FBXO9: variants seen among roughly 807,000 people sequenced by gnomAD.
The protein encoded by FBXO9 is F-box protein 9, also known as F-box only protein 9.
FBXO9 carries 43 observed loss-of-function variants against 63.7 expected under a neutral mutation model. The ratio of observed to expected loss-of-function variants is 0.67; its 90% confidence interval spans 0.53 to 0.87. The LOEUF (loss-of-function observed/expected upper bound fraction) is 0.87, where lower values mean the gene tolerates loss of function less well. Among genes scored for constraint, FBXO9 ranks in the 40% least tolerant of loss-of-function variants. The pLI, the probability that FBXO9 is intolerant of heterozygous loss-of-function variation, is 0.00. For missense variants in FBXO9, 442 were observed against 533.2 expected (o/e 0.83, Z 1.68); for synonymous variants, 156 against 171.7 (o/e 0.91, Z 0.72).
chr6:53,065,683 C>A lies in FBXO9; in HGVS notation c.-107C>A. 1 of 1,319,046 alleles carries A rather than the reference C, an allele frequency of 7.6e-7. No individual in the cohort carries two copies. Among genetic ancestry groups the A allele is most frequent in the African/African-American group, 1.5e-5 (1 of 65,602 alleles). 81.7% of individuals were successfully genotyped at this position (1,319,046 alleles called of 1,614,324 possible). The stretch of plus-strand genomic sequence containing the variant: ...CCGAGAACTCTGCTAAGCTCCGCTG[C>A]AGAGACAGGCAGGAGTAGACACCCG... On this transcript the variant is annotated 5_prime_UTR_variant, in exon 1 of 13. Coordinates refer to ENST00000323557, the MANE Select transcript of FBXO9 (RefSeq NM_033480.3).
Position 53,066,083 on chromosome 6 carries a change from A to T in FBXO9, c.3+291A>T, listed in dbSNP as rs186771794. On this transcript the variant is annotated intron_variant, in intron 1 of 12. Coordinates refer to ENST00000323557, the MANE Select transcript of FBXO9 (RefSeq NM_033480.3). ...CGGGGAAAATGTCCCTTCTCGGCTC[A>T]CTGAGTATATTGAACCAGTCTCGGT... The T allele has an allele frequency of 3.9e-4, 476 of 1,205,692 alleles. 5 individuals are homozygous for T. In the East Asian group the frequency reaches 0.015, roughly 38 times the overall value. 74.7% of individuals were successfully genotyped at this position (1,205,692 alleles called of 1,614,324 possible). A position where few individuals can be genotyped will look rare whatever the true frequency, so the allele number is the denominator to read the frequency against.
upstream of FBXO9, chr6:53,065,295 C>G (rs1377526958): frequency 1.3e-5 from 2 of 154,346 alleles, no homozygotes; most frequent in Admixed American, 1.3e-4. Context: ...AGCCTCACCC[C>G]CCGCGTCAGG....
At chr6:53,095,376 ATTC>A in intron 11 of FBXO9, 134 bp from the exon 12 acceptor site, 1 of 707,876 alleles carries the variant, frequency 1.4e-6, no homozygotes, top group African/African-American at 1.8e-5. Context: ...GCACTCATAC[ATTC>A]TTGTGATAGT....
rs1763296997 is a variant in FBXO9 at position 53,099,449 on chromosome 6, GAAGA to G, written c.*1620_*1623del. The G allele has an allele frequency of 6.6e-6, 1 of 151,840 alleles. No individual in the cohort carries two copies. Among genetic ancestry groups the G allele is most frequent in the African/African-American group, 2.4e-5 (1 of 41,304 alleles). 9.4% of individuals were successfully genotyped at this position (151,840 alleles called of 1,614,324 possible). A position where few individuals can be genotyped will look rare whatever the true frequency, so the allele number is the denominator to read the frequency against. Reference sequence around the variant, plus strand: ...TAAAGGTGAAATGTGCATACAGAAGGAAGAGAGTTGGCCAGGTGTGGTGACTCAC... The same window carrying G: ...TAAAGGTGAAATGTGCATACAGAAGGGAGTTGGCCAGGTGTGGTGACTCAC... On this transcript the variant is annotated 3_prime_UTR_variant, in exon 13 of 13. Coordinates refer to ENST00000323557, the MANE Select transcript of FBXO9 (RefSeq NM_033480.3).
chr6:53,066,101 G>A (rs1367021669), intron 1 of FBXO9: 3 of 1,182,262 alleles, frequency 2.5e-6, no homozygotes, highest in African/African-American at 1.6e-5. Context: ...TATTGAACCA[G>A]TCTCGGTCCT....
At chr6:53,094,702 G>A (rs1239591078) in intron 11 of FBXO9, 2 of 419,782 alleles carry the variant, frequency 4.8e-6, no homozygotes, top group Non-Finnish European at 9.6e-6. Context: ...ACAGGGCAGA[G>A]TTTCATCTGC....
At position 53,100,070 on chromosome 6, in the gene FBXO9, A is replaced by G. The variant is rs1442937962; in HGVS notation, c.*2240A>G. 3.9e-5 allele frequency: 6 copies of G among 152,252 alleles called. No homozygotes were observed. The highest frequency in any genetic ancestry group is 3.9e-4 in the Admixed American group (6 of 15,290). The allele number at this position is 152,252 out of a possible 1,614,324, so 9.4% of individuals were successfully genotyped here. A position where few individuals can be genotyped will look rare whatever the true frequency, so the allele number is the denominator to read the frequency against. On this transcript the variant is annotated 3_prime_UTR_variant, in exon 13 of 13. Coordinates refer to ENST00000323557, the MANE Select transcript of FBXO9 (RefSeq NM_033480.3). ...AAAGTGACTTTCACTTATTTAACTT[A>G]GAACTGGAAAAAGTAACTTTTTTCC... is the stretch of plus-strand genomic sequence containing the variant.
chr6:53,081,109 T>A lies in FBXO9; in HGVS notation c.538+11T>A, dbSNP rs768308576. On this transcript the variant is annotated intron_variant, in intron 6 of 12. Coordinates refer to ENST00000323557, the MANE Select transcript of FBXO9 (RefSeq NM_033480.3). Reference sequence around the variant, plus strand: ...AGATTCACATATCAGGTGTGAATACTTGTTTTTCATAACTCAGTGAGAAAT... The same window carrying A: ...AGATTCACATATCAGGTGTGAATACATGTTTTTCATAACTCAGTGAGAAAT... 3 of 1,599,026 alleles carry A rather than the reference T, an allele frequency of 1.9e-6. No homozygotes were observed. Among genetic ancestry groups the A allele is most frequent in the Admixed American group, 3.5e-5 (2 of 57,408 alleles).
Position 53,100,780 on chromosome 6 carries a change from T to A in FBXO9, c.*2950T>A, listed in dbSNP as rs2127502913. The A allele has an allele frequency of 6.6e-6, 1 of 152,324 alleles. No individual in the cohort carries two copies. Among genetic ancestry groups the A allele is most frequent in the East Asian group, 1.9e-4 (1 of 5,186 alleles). The allele number at this position is 152,324 out of a possible 1,614,324, so 9.4% of individuals were successfully genotyped here. A position where few individuals can be genotyped will look rare whatever the true frequency, so the allele number is the denominator to read the frequency against. On this transcript the variant is annotated 3_prime_UTR_variant, in exon 13 of 13. Transcript: ENST00000323557. The stretch of plus-strand genomic sequence containing the variant: ...ATTTTGTTAAATATTTTTAATGACT[T>A]TAGAGTCCAACTTTATACTCCTCTT...
intron 12 of FBXO9, among the ~76,000 whole-genome samples, 170 bp from the exon 13 acceptor site, chr6:53,097,552 A>G (rs1763244824): frequency 1.3e-5 from 2 of 152,124 alleles, no homozygotes; most frequent in South Asian, 2.1e-4. Flanking sequence ...TTCTGTATAC[A>G]TTTCTAAATT....
intron 7 of FBXO9, among the ~76,000 whole-genome samples, chr6:53,087,290 C>T (rs1255372584): frequency 2.1e-5 from 3 of 146,304 alleles, no homozygotes; most frequent in Non-Finnish European, 3.0e-5. Context: ...CATAATAAAC[C>T]GTGATCATGC....
In FBXO9 at chr6:53,098,272, A is replaced by G; in HGVS notation, c.*442A>G. 4.2e-6 allele frequency: 1 copy of G among 239,274 alleles called. No individual in the cohort carries two copies. Among genetic ancestry groups the G allele is most frequent in the Middle Eastern group, 4.3e-4 (1 of 2,340 alleles). 14.8% of individuals were successfully genotyped at this position (239,274 alleles called of 1,614,324 possible). On this transcript the variant is annotated 3_prime_UTR_variant, in exon 13 of 13. Coordinates refer to ENST00000323557, the MANE Select transcript of FBXO9 (RefSeq NM_033480.3). ...AAGCATTTTATTTCCCGCATGGCAT[A>G]ATGTTTTTGCACTAAAGGCTCAAAG...
intron 4 of FBXO9, among the ~76,000 whole-genome samples, chr6:53,077,228 A>G (rs897395303): frequency 6.6e-6 from 1 of 152,088 alleles, no homozygotes; most frequent in Non-Finnish European, 1.5e-5. Context: ...TAATCCCAGC[A>G]CTTTGGGAGG....
At chr6:53,096,526 T>C (rs1763215959) in intron 12 of FBXO9, among the ~76,000 whole-genome samples, 1 of 152,206 alleles carries the variant, frequency 6.6e-6, no homozygotes, top group Non-Finnish European at 1.5e-5. Flanking sequence ...ACGTTTTTCT[T>C]TCTCATCTTT....
At chr6:53,076,616 T>C (rs1172914319) in intron 4 of FBXO9, 73 bp downstream of exon 4, 1 of 1,115,590 alleles carries the variant, frequency 9.0e-7, no homozygotes, top group Non-Finnish European at 1.2e-6. Flanking sequence ...ATATTTTTTT[T>C]TCTATAACTT....
In FBXO9 at chr6:53,065,925, A is replaced by G; in HGVS notation, c.3+133A>G. Reference sequence around the variant, plus strand: ...GAGCTTCACGGCTGCCACCCGTTAGAGGGCCCTGGCCTGAGAAGGAGTGCG... The same window carrying G: ...GAGCTTCACGGCTGCCACCCGTTAGGGGGCCCTGGCCTGAGAAGGAGTGCG... On this transcript the variant is annotated intron_variant, in intron 1 of 12. Transcript: ENST00000323557. 3 of 1,184,334 alleles carry G rather than the reference A, an allele frequency of 2.5e-6. No homozygotes were observed. The Admixed American group carries it at 1.3e-4, about 50-fold the overall frequency. 73.4% of individuals were successfully genotyped at this position (1,184,334 alleles called of 1,614,324 possible).
intron 12 of FBXO9, among the ~76,000 whole-genome samples, chr6:53,097,128 A>G (rs779142005): frequency 2.6e-5 from 4 of 152,174 alleles, no homozygotes; most frequent in Non-Finnish European, 5.9e-5. Context: ...CAGTGGTAGC[A>G]TAACTTACCA....
intron 4 of FBXO9, among the ~76,000 whole-genome samples, chr6:53,077,472 CAAAAAAAAAAA>C (rs1173539613): frequency 9.9e-5 from 7 of 70,452 alleles, no homozygotes; most frequent in African/African-American, 2.8e-4. Flanking sequence ...GACTCCGTCT[CAAAAAAAAAAA>C]AAAAAAAAAA....
intron 7 of FBXO9, among the ~76,000 whole-genome samples, chr6:53,086,486 A>G (rs1332403424): frequency 1.3e-5 from 2 of 152,196 alleles, no homozygotes; most frequent in African/African-American, 4.8e-5. Flanking sequence ...AATACCTTTT[A>G]TAGGGTATTT....
Sources: allele counts gnomAD v4.1 joint callset (sites outside exome capture counted in the v4.1 genomes callset), GRCh38; gene constraint gnomAD v4.1.1; transcripts MANE v1.5; gene names NCBI Gene and HGNC (gene_info 2026-07-23, HGNC 2026-07-21).